Variants in SYT16 observed in about 807,000 individuals in gnomAD.
SYT16 encodes synaptotagmin-16.
Under a neutral mutation model 61.4 loss-of-function variants are expected in SYT16, and 42 were observed. The ratio of observed to expected loss-of-function variants is 0.68; its 90% CI spans 0.53 to 0.89. The LOEUF (loss-of-function observed/expected upper bound fraction) is 0.89, where lower values mean the gene tolerates loss of function less well. Among genes scored for constraint, SYT16 ranks in the 40% least tolerant of loss-of-function variants. The probability of loss-of-function intolerance (pLI) is 0.00; values close to 1 mark genes in which losing one functional copy is unlikely to be tolerated. For missense variants in SYT16, 804 were observed against 807.3 expected, an observed-to-expected ratio of 1.00 and a Z score of 0.05; for synonymous variants, 314 against 302.3, an observed-to-expected ratio of 1.04 and a Z score of -0.40.
At chr14:61,960,633 A>G (rs953955843) in intron 1 of SYT16, among the ~76,000 whole-genome samples, 1 of 152,126 alleles carries the variant, frequency 6.6e-6, no homozygotes, top group Admixed American at 6.6e-5. Context: ...GTATAGAATA[A>G]TATTATCTGC....
intron 3 of SYT16, among the ~76,000 whole-genome samples, chr14:62,060,310 T>G (rs1381823928): frequency 2.0e-5 from 3 of 152,074 alleles, no homozygotes; most frequent in African/African-American, 7.2e-5. Context: ...ATTAGTGCAT[T>G]TTGATGCTCT....
chr14:61,969,612 A>G (rs2051460512), intron 1 of SYT16, among the ~76,000 whole-genome samples: 1 of 152,202 alleles, frequency 6.6e-6, no homozygotes, highest in Non-Finnish European at 1.5e-5. Flanking sequence ...CCATGATCAA[A>G]TTGCACAGCT....
At chr14:62,016,098 G>A (rs1402380728) in intron 3 of SYT16, among the ~76,000 whole-genome samples, 2 of 152,158 alleles carry the variant, frequency 1.3e-5, no homozygotes, top group African/African-American at 4.8e-5. Context: ...CATTTACAGT[G>A]TCTCTTGATG....
chr14:61,860,712 A>G (rs2046936786), intron 1 of SYT16, among the ~76,000 whole-genome samples: 1 of 152,246 alleles, frequency 6.6e-6, no homozygotes, highest in Non-Finnish European at 1.5e-5. Context: ...AGGGAAAAGT[A>G]GAAAGATTGC....
At chr14:61,903,430 A>G (rs1274079865) in intron 1 of SYT16, among the ~76,000 whole-genome samples, 1 of 152,206 alleles carries the variant, frequency 6.6e-6, no homozygotes, top group East Asian at 1.9e-4. Context: ...TGTATGTTAA[A>G]TGTCTGTCTC....
intron 1 of SYT16, among the ~76,000 whole-genome samples, chr14:61,961,088 CCTT>C (rs2051099604): frequency 6.6e-6 from 1 of 152,122 alleles, no homozygotes; most frequent in Non-Finnish European, 1.5e-5. Flanking sequence ...AAACGGGACA[CCTT>C]CTTTACACCA....
At chr14:62,023,448 C>T (rs1264184946) in intron 3 of SYT16, among the ~76,000 whole-genome samples, 2 of 152,058 alleles carry the variant, frequency 1.3e-5, no homozygotes, top group African/African-American at 4.8e-5. Context: ...AGGAATTGGC[C>T]AACAACTTGG....
intron 1 of SYT16, among the ~76,000 whole-genome samples, chr14:61,842,997 G>A (rs767359803): frequency 1.3e-5 from 2 of 152,078 alleles, no homozygotes; most frequent in African/African-American, 2.4e-5. Flanking sequence ...GGACACTTAG[G>A]TTGCTTCCAA....
At chr14:61,871,216 A>G (rs1393268860) in intron 1 of SYT16, among the ~76,000 whole-genome samples, 1 of 152,068 alleles carries the variant, frequency 6.6e-6, no homozygotes, top group Non-Finnish European at 1.5e-5. Flanking sequence ...ATATATTAGT[A>G]TTTTTTGCCC....
At chr14:61,914,867 A>C (rs1203255106) in intron 1 of SYT16, among the ~76,000 whole-genome samples, 1 of 152,176 alleles carries the variant, frequency 6.6e-6, no homozygotes, top group African/African-American at 2.4e-5. Context: ...GCTATAAATC[A>C]GGCCTTGTTA....
At chr14:61,878,175 T>G (rs2047565565) in intron 1 of SYT16, among the ~76,000 whole-genome samples, 2 of 152,210 alleles carry the variant, frequency 1.3e-5, no homozygotes, top group Admixed American at 6.5e-5. Flanking sequence ...TTGCCTCTTC[T>G]TTTTATCTTC....
At chr14:61,812,516 G>C (rs1242394805), upstream of SYT16, among the ~76,000 whole-genome samples, 1 of 151,354 alleles carries the variant, frequency 6.6e-6, no homozygotes, top group Non-Finnish European at 1.5e-5. Context: ...GGGGACGGAC[G>C]CGGCGAGGCG....
intron 1 of SYT16, among the ~76,000 whole-genome samples, chr14:61,947,267 CGTGTGTGTGTGTGTGTGTGTGT>C (rs59798244): frequency 2.4e-5 from 3 of 125,844 alleles, no homozygotes; most frequent in African/African-American, 5.9e-5. Flanking sequence ...TTTAGTCCTT[CGTGTGTGTGTGTGTGTGTGTGT>C]GTGTGTGTGT....
At chr14:62,051,801 G>T (rs2055313227) in intron 3 of SYT16, among the ~76,000 whole-genome samples, 1 of 152,206 alleles carries the variant, frequency 6.6e-6, no homozygotes, top group Non-Finnish European at 1.5e-5. Context: ...GGAGGCCAAG[G>T]CAGGTGGATC....
chr14:62,104,867 T>C lies in SYT16; in HGVS notation c.*4160T>C, dbSNP rs1487530387. ...TAAAAGATATCAGTGAAATCACAGA[T>C]GTAATGTGCCTAGCATAGAGCCGGG... On this transcript the variant is annotated 3_prime_UTR_variant, in exon 8 of 8. Transcript: ENST00000683842. 1 of 152,208 alleles carries C rather than the reference T, an allele frequency of 6.6e-6. No individual in the cohort carries two copies. The allele number at this position is 152,208 out of a possible 1,614,324, so 9.4% of individuals were successfully genotyped here.
intron 2 of SYT16, among the ~76,000 whole-genome samples, chr14:61,993,945 C>T (rs957059154): frequency 6.6e-6 from 1 of 152,116 alleles, no homozygotes; most frequent in Admixed American, 6.6e-5. Flanking sequence ...TCCCTGCCAT[C>T]CAGGGAGCCT....
chr14:62,027,407 G>A (rs1449793194), intron 3 of SYT16, among the ~76,000 whole-genome samples: 1 of 152,214 alleles, frequency 6.6e-6, no homozygotes, highest in Non-Finnish European at 1.5e-5. Context: ...CTGGTTGGTA[G>A]CTCTAGACCT....
intron 1 of SYT16, among the ~76,000 whole-genome samples, chr14:61,858,959 A>G (rs913056085): frequency 2.5e-4 from 37 of 147,678 alleles, no homozygotes; most frequent in African/African-American, 3.5e-4. Context: ...GGTTCACGCC[A>G]TTCTCCTGCC....
chr14:62,052,614 C>A (rs937831806), intron 3 of SYT16, among the ~76,000 whole-genome samples: 1 of 152,038 alleles, frequency 6.6e-6, no homozygotes, highest in African/African-American at 2.4e-5. Flanking sequence ...TGTTTACATC[C>A]CCAAAAAACA....
Sources: allele counts gnomAD v4.1 joint callset (sites outside exome capture counted in the v4.1 genomes callset), GRCh38; gene constraint gnomAD v4.1.1; transcripts MANE v1.5; gene names NCBI Gene and HGNC (gene_info 2026-07-23, HGNC 2026-07-21).